SCAPER: variants seen among roughly 807,000 people sequenced by gnomAD.
The protein encoded by SCAPER is S phase cyclin A-associated protein in the endoplasmic reticulum.
In SCAPER, 98 loss-of-function variants were observed where a neutral mutation model predicts 182.2. The ratio of observed to expected loss-of-function variants is 0.54; its 90% CI spans 0.46 to 0.64. SCAPER has a LOEUF of 0.64. Among genes scored for constraint, SCAPER ranks in the 30% least tolerant of loss-of-function variants. The pLI, the probability that SCAPER is intolerant of heterozygous loss-of-function variation, is 0.00. For synonymous variants in SCAPER, 605 were observed against 564.6 expected (o/e 1.07, Z -1.01); for missense variants, 1,432 against 1,690.0 (o/e 0.85, Z 2.68).
chr15:76,450,024 A>G (rs2048269641), intron 25 of SCAPER, among the ~76,000 whole-genome samples: 1 of 152,236 alleles, frequency 6.6e-6, no homozygotes, highest in East Asian at 1.9e-4. Context: ...GTAAGAAGAA[A>G]GCAGCCTTAT....
intron 21 of SCAPER, among the ~76,000 whole-genome samples, chr15:76,664,976 C>T (rs1008782209): frequency 3.3e-5 from 5 of 152,110 alleles, no homozygotes; most frequent in Admixed American, 3.3e-4. Context: ...CTTTGAGACA[C>T]TTAGTAGTAA....
At chr15:76,660,812 C>A (rs567359649) in intron 21 of SCAPER, among the ~76,000 whole-genome samples, 3 of 151,744 alleles carry the variant, frequency 2.0e-5, no homozygotes, top group African/African-American at 7.3e-5. Context: ...TGTTCATGTA[C>A]ATTAAAAATC....
At chr15:76,776,064 C>T (rs949491052) in intron 8 of SCAPER, among the ~76,000 whole-genome samples, 1 of 152,096 alleles carries the variant, frequency 6.6e-6, no homozygotes, top group Non-Finnish European at 1.5e-5. Flanking sequence ...CTGGAAGACT[C>T]TGAGAGATAG....
chr15:76,841,555 G>A (rs1436311907), intron 5 of SCAPER, among the ~76,000 whole-genome samples, 179 bp downstream of exon 5: 1 of 152,002 alleles, frequency 6.6e-6, no homozygotes, highest in East Asian at 1.9e-4. Flanking sequence ...GCTAAGGCAG[G>A]AGAATCACTT....
chr15:76,607,969 CCT>C (rs2050603135), intron 22 of SCAPER, among the ~76,000 whole-genome samples: 1 of 152,142 alleles, frequency 6.6e-6, no homozygotes, highest in Admixed American at 6.5e-5. Flanking sequence ...CGAATTTCCT[CCT>C]GTAGCTCAGA....
At chr15:76,471,489 A>G (rs1346069562) in intron 24 of SCAPER, among the ~76,000 whole-genome samples, 154 bp from the exon 25 acceptor site, 1 of 152,218 alleles carries the variant, frequency 6.6e-6, no homozygotes, top group African/African-American at 2.4e-5. Context: ...AAGGCCCATC[A>G]GCTAGATATA....
chr15:76,683,825 C>T (rs1003450383), intron 20 of SCAPER, among the ~76,000 whole-genome samples: 1 of 151,804 alleles, frequency 6.6e-6, no homozygotes, highest in Non-Finnish European at 1.5e-5. Flanking sequence ...CAGAGTTGGG[C>T]GGGGTGGCTC....
At chr15:76,708,069 C>A (rs2059355024) in intron 17 of SCAPER, among the ~76,000 whole-genome samples, 1 of 151,982 alleles carries the variant, frequency 6.6e-6, no homozygotes, top group Non-Finnish European at 1.5e-5. Flanking sequence ...TAGGACACCC[C>A]CCCACCATAC....
intron 4 of SCAPER, among the ~76,000 whole-genome samples, chr15:76,854,877 TAGG>T (rs2071176775): frequency 6.9e-6 from 1 of 144,852 alleles, no homozygotes; most frequent in Admixed American, 6.9e-5. Context: ...GAGGCTGAGG[TAGG>T]AGAATGGCCT....
intron 20 of SCAPER, among the ~76,000 whole-genome samples, chr15:76,677,723 T>G (rs982476733): frequency 6.7e-6 from 1 of 149,920 alleles, no homozygotes; most frequent in East Asian, 1.9e-4. Flanking sequence ...TAATTACCTT[T>G]TATGGCATAC....
chr15:76,531,057 A>G lies in SCAPER; in HGVS notation c.2839-26083T>C, dbSNP rs146991208. On this transcript the variant is annotated intron_variant, in intron 23 of 31. Coordinates refer to ENST00000563290, the MANE Select transcript of SCAPER (RefSeq NM_020843.4). The stretch of plus-strand genomic sequence containing the variant: ...ATAAGTTAAAAAACAGTTCTTGATT[A>G]TATTGATAAAAACAATTATCTAATT... Among the ~76,000 whole-genome samples the G allele has an allele frequency of 3.3e-5, 5 of 152,194 alleles. 1 individual carries two copies. In the South Asian group the frequency reaches 6.2e-4, roughly 19 times the overall value.
At chr15:76,416,679 A>C (rs960228816) in intron 26 of SCAPER, among the ~76,000 whole-genome samples, 1 of 152,206 alleles carries the variant, frequency 6.6e-6, no homozygotes, top group African/African-American at 2.4e-5. Context: ...CTACTTTTCA[A>C]CATCTATCAT....
chr15:76,549,841 T>C (rs1272122621), intron 23 of SCAPER, among the ~76,000 whole-genome samples: 1 of 152,028 alleles, frequency 6.6e-6, no homozygotes, highest in Non-Finnish European at 1.5e-5. Context: ...AAATATAAGA[T>C]CTGAAACTCT....
intron 1 of SCAPER, among the ~76,000 whole-genome samples, chr15:76,889,983 C>T (rs542674578): frequency 2.3e-4 from 35 of 152,332 alleles, no homozygotes; most frequent in Non-Finnish European, 4.1e-4. Flanking sequence ...GACCACAGGG[C>T]AATCAAATTA....
rs560696465 is a variant in SCAPER at position 76,539,987 on chromosome 15, T to C, written c.2838+34171A>G. Among the ~76,000 whole-genome samples, 4 of 152,244 alleles carry C rather than the reference T, an allele frequency of 2.6e-5. No individual in the cohort carries two copies. The East Asian group carries it at 5.8e-4, about 22-fold the overall frequency. ...AACAATTCAAACAAATGTCAATCAATAGGGAAACAGTTAAATAAGTTATTG... is the reference window on the plus strand; with the variant it reads ...AACAATTCAAACAAATGTCAATCAACAGGGAAACAGTTAAATAAGTTATTG... On this transcript the variant is annotated intron_variant, in intron 23 of 31. Coordinates refer to ENST00000563290, the MANE Select transcript of SCAPER (RefSeq NM_020843.4).
intron 4 of SCAPER, among the ~76,000 whole-genome samples, chr15:76,854,723 G>A (rs1340471735): frequency 1.3e-5 from 2 of 151,032 alleles, no homozygotes; most frequent in East Asian, 3.9e-4. Flanking sequence ...ACTTTGGGAG[G>A]CCAAGGCAGG....
At chr15:76,614,034 G>A (rs1186317715) in intron 22 of SCAPER, among the ~76,000 whole-genome samples, 3 of 152,086 alleles carry the variant, frequency 2.0e-5, no homozygotes, top group South Asian at 4.2e-4. Context: ...AAGAAAATGT[G>A]GTATGTATAC....
At chr15:76,641,567 G>C (rs943208768) in intron 21 of SCAPER, among the ~76,000 whole-genome samples, 1 of 152,060 alleles carries the variant, frequency 6.6e-6, no homozygotes, top group Admixed American at 6.6e-5. Context: ...TGCATTGCGG[G>C]CTGCTGGCCA....
intron 8 of SCAPER, among the ~76,000 whole-genome samples, chr15:76,777,766 T>C (rs573898431): frequency 1.3e-5 from 2 of 152,172 alleles, no homozygotes; most frequent in Non-Finnish European, 2.9e-5. Context: ...ATTGCAATGG[T>C]TAAAAATGGA....
Sources: gnomAD v4.1 joint callset for allele counts (sites outside exome capture counted in the v4.1 genomes callset) on GRCh38, gnomAD v4.1.1 for gene constraint, MANE v1.5 for transcripts, NCBI Gene and HGNC (gene_info 2026-07-23, HGNC 2026-07-21) for gene names.